The following ASPA variants were observed in gnomAD, a reference collection of about 807,000 sequenced individuals.
The protein encoded by ASPA is aspartoacylase.
In ASPA, 25 loss-of-function variants were observed where a neutral mutation model predicts 29.6. The ratio of observed to expected loss-of-function variants is 0.85; its 90% CI spans 0.62 to 1.18. ASPA has a LOEUF of 1.18. Ranked by LOEUF, ASPA falls within the 50% of genes most tolerant of loss-of-function variation. The probability of loss-of-function intolerance (pLI) is 0.00; values close to 1 mark genes in which losing one functional copy is unlikely to be tolerated. For missense variants in ASPA, 333 were observed against 385.7 expected (o/e 0.86, Z 1.14); for synonymous variants, 131 against 130.3 (o/e 1.01, Z -0.04).
Position 3,502,411 on chromosome 17 carries a change from A to G in ASPA, c.*3323A>G, listed in dbSNP as rs1159087936. On this transcript the variant is annotated 3_prime_UTR_variant, in exon 6 of 6. Transcript: ENST00000263080. ...TGAAATATCTCTGAGGTATGCCTGT[A>G]ATGTATAAGTGCTAGTAGAAATGAG... is the stretch of plus-strand genomic sequence containing the variant. 2.6e-5 allele frequency: 4 copies of G among 152,202 alleles called. No homozygotes were observed. The highest frequency in any genetic ancestry group is 4.4e-5 in the Non-Finnish European group (3 of 68,028). The allele number at this position is 152,202 out of a possible 1,614,324, so 9.4% of individuals were successfully genotyped here.
Position 3,489,314 on chromosome 17 carries a change from T to C in ASPA, c.606T>C (p.Ala202=), listed in dbSNP as rs1567614696. The C allele has an allele frequency of 6.2e-7, 1 of 1,612,626 alleles. No homozygotes were observed. Residue 202 remains alanine, a synonymous_variant, in exon 4 of 6, where the codon GCT becomes GCC. Transcript: ENST00000263080. Reference sequence around the variant, plus strand: ...AAATGAGAAAAATGATTAAACATGCTCTTGATTTTATACATCATTTCAATG... The same window carrying C: ...AAATGAGAAAAATGATTAAACATGCCCTTGATTTTATACATCATTTCAATG... The part of the protein sequence containing the change: ...LDQMRKMIKH[A]LDFIHHFNEG...
Position 3,490,478 on chromosome 17 carries a change from A to G in ASPA, c.634+1136A>G, listed in dbSNP as rs917976153. Among the ~76,000 whole-genome samples the G allele has an allele frequency of 2.0e-5, 3 of 152,346 alleles. No individual in the cohort carries two copies. The highest frequency in any genetic ancestry group is 4.1e-4 in the South Asian group (2 of 4,826). On this transcript the variant is annotated intron_variant, in intron 4 of 5. Transcript: ENST00000263080. This position sits in a 1 kb window ranked among gnomAD's most constrained non-coding sequence, Gnocchi z 4.6. ...TGTTGTTGAGGAATGGGCAATTATAATAACAGAGGGGGTGTGTACTTCGGT... is the reference window on the plus strand; with the variant it reads ...TGTTGTTGAGGAATGGGCAATTATAGTAACAGAGGGGGTGTGTACTTCGGT...
At position 3,476,322 on chromosome 17, in the gene ASPA, C is replaced by A. The variant is rs560983907; in HGVS notation, c.163C>A (p.Pro55Thr). The A allele has an allele frequency of 6.2e-7, 1 of 1,614,072 alleles. No homozygotes were observed. Among genetic ancestry groups the A allele is most frequent in the South Asian group, 1.1e-5 (1 of 91,074 alleles). ...GGAGGTAAAACCATTTATTACTAACCCCAGAGCAGTGAAGAAGTGTACCAG... is the reference window on the plus strand; with the variant it reads ...GGAGGTAAAACCATTTATTACTAACACCAGAGCAGTGAAGAAGTGTACCAG... Reference protein sequence around the residue: ...GLEVKPFITNPRAVKKCTRYI... With the variant: ...GLEVKPFITNTRAVKKCTRYI... Residue 55 changes from proline (P) to threonine (T), a missense_variant, in exon 1 of 6, where the codon CCC becomes ACC. Pro to Thr is a conservative substitution (Grantham distance 38). Coordinates refer to ENST00000263080, the MANE Select transcript of ASPA (RefSeq NM_000049.4).
intron 3 of ASPA, among the ~76,000 whole-genome samples, chr17:3,487,995 T>C (rs1185036251): frequency 6.6e-6 from 1 of 152,230 alleles, no homozygotes; most frequent in Non-Finnish European, 1.5e-5. Flanking sequence ...CATACATATA[T>C]GCAAGAAACC....
chr17:3,498,805 A>T, intron 5 of ASPA, 86 bp from the exon 6 acceptor site: 2 of 1,241,266 alleles, frequency 1.6e-6, no homozygotes, highest in Non-Finnish European at 2.2e-6. Context: ...AGAATACTGT[A>T]ATTTGTTAGT....
chr17:3,492,389 T>C (rs1398720413), intron 4 of ASPA, among the ~76,000 whole-genome samples: 3 of 152,250 alleles, frequency 2.0e-5, no homozygotes, highest in African/African-American at 7.2e-5. Flanking sequence ...TTTCTTCCTA[T>C]CCAACTTTTT....
chr17:3,476,622 A>G (rs2073527928), intron 1 of ASPA, among the ~76,000 whole-genome samples: 1 of 150,042 alleles, frequency 6.7e-6, no homozygotes, highest in Non-Finnish European at 1.5e-5. Context: ...GCACCAGATT[A>G]TTAAGTTTTC....
chr17:3,480,382 G>A (rs2073606684), intron 1 of ASPA, among the ~76,000 whole-genome samples: 1 of 152,228 alleles, frequency 6.6e-6, no homozygotes, highest in Non-Finnish European at 1.5e-5. Context: ...TGGTGGGTAG[G>A]GGGCCAGTGA....
rs1250005614 is a variant in ASPA at position 3,500,868 on chromosome 17, A to G, written c.*1780A>G. The G allele has an allele frequency of 1.2e-4, 19 of 152,132 alleles. No homozygotes were observed. The highest frequency in any genetic ancestry group is 1.2e-3 in the Admixed American group (19 of 15,260). The allele number at this position is 152,132 out of a possible 1,614,324, so 9.4% of individuals were successfully genotyped here. On this transcript the variant is annotated 3_prime_UTR_variant, in exon 6 of 6. Coordinates refer to ENST00000263080, the MANE Select transcript of ASPA (RefSeq NM_000049.4). ...TGTGTCTGAGCTCTATAAATGGAACAACAAAGCCTCGCTGGCAGCACATCT... is the reference window on the plus strand; with the variant it reads ...TGTGTCTGAGCTCTATAAATGGAACGACAAAGCCTCGCTGGCAGCACATCT...
In ASPA at chr17:3,499,608, T is replaced by C. The variant is rs1461240820; in HGVS notation, c.*520T>C. Reference sequence around the variant, plus strand: ...TATGATTTATTTATTATATCTGCTATGGTGATCTGTGATCAGTGGCCTTTG... The same window carrying C: ...TATGATTTATTTATTATATCTGCTACGGTGATCTGTGATCAGTGGCCTTTG... On this transcript the variant is annotated 3_prime_UTR_variant, in exon 6 of 6. Coordinates refer to ENST00000263080, the MANE Select transcript of ASPA (RefSeq NM_000049.4). 6.5e-6 allele frequency: 1 copy of C among 152,768 alleles called. No homozygotes were observed. Among genetic ancestry groups the C allele is most frequent in the Non-Finnish European group, 1.5e-5 (1 of 68,514 alleles). 9.5% of individuals were successfully genotyped at this position (152,768 alleles called of 1,614,324 possible). A position where few individuals can be genotyped will look rare whatever the true frequency, so the allele number is the denominator to read the frequency against.
At chr17:3,492,049 G>A (rs904274610) in intron 4 of ASPA, among the ~76,000 whole-genome samples, 2 of 151,892 alleles carry the variant, frequency 1.3e-5, no homozygotes, top group Non-Finnish European at 2.9e-5. Flanking sequence ...GCTAATTTCT[G>A]TGGTTTTTGT....
rs1276749933 is a variant in ASPA at position 3,490,895 on chromosome 17, T to C, written c.634+1553T>C. Among the ~76,000 whole-genome samples the C allele has an allele frequency of 3.3e-5, 5 of 152,204 alleles. No individual in the cohort carries two copies. The highest frequency in any genetic ancestry group is 7.3e-5 in the Non-Finnish European group (5 of 68,030). ...CTTATCTCTGCTTCAACCAGAGCTC[T>C]TCTGTGTAACATTTCATTTAAGCAA... On this transcript the variant is annotated intron_variant, in intron 4 of 5. Transcript: ENST00000263080. The surrounding 1 kb of genome is among the most constrained non-coding windows in gnomAD (Gnocchi z 4.6).
chr17:3,496,255 T>C (rs2073905866), intron 5 of ASPA, among the ~76,000 whole-genome samples: 1 of 152,236 alleles, frequency 6.6e-6, no homozygotes, highest in Non-Finnish European at 1.5e-5. Context: ...AGGTTCCTCA[T>C]GGAGCTTCCA....
Position 3,499,126 on chromosome 17 carries a change from A to G in ASPA, c.*38A>G, listed in dbSNP as rs1031834384. 9 of 1,593,230 alleles carry G rather than the reference A, an allele frequency of 5.6e-6. No homozygotes were observed. In the African/African-American group the frequency reaches 1.1e-4, roughly 19 times the overall value. On this transcript the variant is annotated 3_prime_UTR_variant, in exon 6 of 6. Transcript: ENST00000263080. ...GCTTACATCTTACACGGTGTCTTAC[A>G]AATTCTGCTAGTCTGTAAGCTCCTT...
intron 1 of ASPA, among the ~76,000 whole-genome samples, chr17:3,479,292 G>C (rs2073586210): frequency 6.6e-6 from 1 of 152,124 alleles, no homozygotes; most frequent in Non-Finnish European, 1.5e-5. Context: ...CTGAGCAACT[G>C]GGTAGATACT....
In ASPA at chr17:3,502,455, T is replaced by C. The variant is rs2074001490; in HGVS notation, c.*3367T>C. On this transcript the variant is annotated 3_prime_UTR_variant, in exon 6 of 6. Transcript: ENST00000263080. ...AAATGAGTTGTGCAGAATTGCTATT[T>C]TTTTCAATTTTTATATTTGGGTTAA... is the stretch of plus-strand genomic sequence containing the variant. 3 of 152,220 alleles carry C rather than the reference T, an allele frequency of 2.0e-5. No individual in the cohort carries two copies. Among genetic ancestry groups the C allele is most frequent in the African/African-American group, 7.2e-5 (3 of 41,450 alleles). The allele number at this position is 152,220 out of a possible 1,614,324, so 9.4% of individuals were successfully genotyped here.
rs779268485 is a variant in ASPA at position 3,488,387 on chromosome 17, C to T, written c.527-848C>T. On this transcript the variant is annotated intron_variant, in intron 3 of 5. Transcript: ENST00000263080. This position sits in a 1 kb window ranked among gnomAD's most constrained non-coding sequence, Gnocchi z 6.1. ...AAAATTAAAACCAGGCCAAGCACGA[C>T]GGCTCACGCCTGTAATCCCAGCATT... 1.3e-5 allele frequency among the ~76,000 whole-genome samples: 2 copies of T among 152,132 alleles called. No individual in the cohort carries two copies. Among genetic ancestry groups the T allele is most frequent in the Non-Finnish European group, 2.9e-5 (2 of 68,026 alleles).
At chr17:3,486,726 C>T (rs1270452637) in intron 3 of ASPA, among the ~76,000 whole-genome samples, 1 of 152,130 alleles carries the variant, frequency 6.6e-6, no homozygotes, top group Non-Finnish European at 1.5e-5. Flanking sequence ...AATTTAAAAG[C>T]AGGTTGGCAA....
rs375618633 is a variant in ASPA at position 3,501,335 on chromosome 17, A to T, written c.*2247A>T. ...GGAGGAGATCAAAATATCAACATTA[A>T]CAGGAGTTTGGAAAAAGTGAATTCC... On this transcript the variant is annotated 3_prime_UTR_variant, in exon 6 of 6. Transcript: ENST00000263080. The T allele has an allele frequency of 1.3e-5, 2 of 152,194 alleles. No individual in the cohort carries two copies. The highest frequency in any genetic ancestry group is 3.8e-4 in the East Asian group (2 of 5,196). The allele number at this position is 152,194 out of a possible 1,614,324, so 9.4% of individuals were successfully genotyped here. A position where few individuals can be genotyped will look rare whatever the true frequency, so the allele number is the denominator to read the frequency against.
Sources: gnomAD v4.1 joint callset for allele counts (sites outside exome capture counted in the v4.1 genomes callset) on GRCh38, gnomAD v4.1.1 for gene constraint, Gnocchi (gnomAD v3.1) non-coding constraint, MANE v1.5 for transcripts, NCBI Gene and HGNC (gene_info 2026-07-23, HGNC 2026-07-21) for gene names.